The following NNT variants were observed in gnomAD, a reference collection of about 807,000 sequenced individuals.
NNT encodes the protein NAD(P) transhydrogenase, mitochondrial.
NNT carries 50 observed loss-of-function variants against 104.8 expected under a neutral mutation model. The ratio of observed to expected loss-of-function variants is 0.48; its 90% CI spans 0.38 to 0.60. The LOEUF (loss-of-function observed/expected upper bound fraction) is 0.60, where lower values mean the gene tolerates loss of function less well. Among genes scored for constraint, NNT ranks in the 20% least tolerant of loss-of-function variants. The pLI is 0.00. For synonymous variants in NNT, 461 were observed against 490.4 expected (o/e 0.94, Z 0.79); for missense variants, 1,131 against 1,330.7 (o/e 0.85, Z 2.33).
intron 4 of NNT, among the ~76,000 whole-genome samples, chr5:43,618,129 T>A (rs561264978): frequency 6.6e-6 from 1 of 152,202 alleles, no homozygotes; most frequent in Non-Finnish European, 1.5e-5. Context: ...GAAAAGATGA[T>A]GCATATTATT....
intron 7 of NNT, 83 bp downstream of exon 7, chr5:43,628,470 C>A: frequency 9.4e-7 from 1 of 1,067,852 alleles, no homozygotes; most frequent in Non-Finnish European, 1.3e-6. Flanking sequence ...GATTGCTTAA[C>A]ATTTGAATTT....
At chr5:43,677,899 TA>T in intron 19 of NNT, 93 bp downstream of exon 19, 1 of 1,004,966 alleles carries the variant, frequency 1.0e-6, no homozygotes, top group South Asian at 1.3e-5. Context: ...ATGTAGGGGT[TA>T]GGGCACTGAC....
In NNT at chr5:43,707,116, T is replaced by C. The variant is rs1272534080; in HGVS notation, c.*2712T>C. 1.3e-5 allele frequency: 2 copies of C among 148,464 alleles called. No individual in the cohort carries two copies. The highest frequency in any genetic ancestry group is 3.0e-5 in the Non-Finnish European group (2 of 67,502). The allele number at this position is 148,464 out of a possible 1,614,324, so 9.2% of individuals were successfully genotyped here. On this transcript the variant is annotated 3_prime_UTR_variant, in exon 22 of 22. Transcript: ENST00000344920. Reference sequence around the variant, plus strand: ...CACATGTACCCTAGAACTTAAAGTATAATTAAAAAAAAAAAGAAAACAGAA... The same window carrying C: ...CACATGTACCCTAGAACTTAAAGTACAATTAAAAAAAAAAAGAAAACAGAA...
In NNT at chr5:43,670,701, C is replaced by T. The variant is rs968498019; in HGVS notation, c.2635-4810C>T. Among the ~76,000 whole-genome samples the T allele has an allele frequency of 5.4e-4, 82 of 152,100 alleles. 1 individual carries two copies. The highest frequency in any genetic ancestry group is 5.8e-4 in the East Asian group (3 of 5,178). On this transcript the variant is annotated intron_variant, in intron 17 of 21. Transcript: ENST00000344920. ...TTTGCTGAGGAGTGCTTTACTTGCA[C>T]GTATGTGGTCAATTTTGGAATAAGT...
chr5:43,699,817 A>G (rs1305974012), intron 19 of NNT, among the ~76,000 whole-genome samples: 1 of 152,214 alleles, frequency 6.6e-6, no homozygotes, highest in African/African-American at 2.4e-5. Flanking sequence ...TGATTTTTAA[A>G]TGTAAGGTGA....
chr5:43,606,104 G>A (rs1031479993), intron 1 of NNT, among the ~76,000 whole-genome samples: 1 of 152,118 alleles, frequency 6.6e-6, no homozygotes, highest in Non-Finnish European at 1.5e-5. Flanking sequence ...GGTTCAGGTC[G>A]AACAGTAAGT....
intron 19 of NNT, among the ~76,000 whole-genome samples, chr5:43,691,873 T>C (rs938318195): frequency 1.3e-5 from 2 of 152,222 alleles, no homozygotes; most frequent in African/African-American, 4.8e-5. Context: ...TTTCTTTGGT[T>C]CATAAAATAG....
intron 7 of NNT, among the ~76,000 whole-genome samples, chr5:43,632,647 A>G (rs1380919601): frequency 6.6e-6 from 1 of 152,180 alleles, no homozygotes; most frequent in Non-Finnish European, 1.5e-5. Flanking sequence ...GGCCAAGCTG[A>G]CAGCCCCGCT....
At chr5:43,691,204 A>T in intron 19 of NNT, among the ~76,000 whole-genome samples, 1 of 152,028 alleles carries the variant, frequency 6.6e-6, no homozygotes, top group East Asian at 1.9e-4. Flanking sequence ...GGTTCAAGCG[A>T]TTCTCCCAAC....
intron 19 of NNT, among the ~76,000 whole-genome samples, chr5:43,689,947 C>A (rs1742177295): frequency 6.6e-6 from 1 of 151,736 alleles, no homozygotes. Context: ...TTTGAATTAA[C>A]CCAATCCGTC....
At position 43,670,678 on chromosome 5, in the gene NNT, T is replaced by G. The variant is rs192100381; in HGVS notation, c.2635-4833T>G. On this transcript the variant is annotated intron_variant, in intron 17 of 21. Transcript: ENST00000344920. ...GTTATAATTTCTGTTCTTTTACATT[T>G]GCTGAGGAGTGCTTTACTTGCACGT... 2.2e-3 allele frequency among the ~76,000 whole-genome samples: 337 copies of G among 152,342 alleles called. 1 individual carries two copies. The highest frequency in any genetic ancestry group is 7.5e-3 in the African/African-American group (311 of 41,572).
At chr5:43,655,447 T>A (rs1411690657) in intron 14 of NNT, among the ~76,000 whole-genome samples, 1 of 152,226 alleles carries the variant, frequency 6.6e-6, no homozygotes, top group Non-Finnish European at 1.5e-5. Context: ...CATAAATACT[T>A]AACACAAACT....
At position 43,616,065 on chromosome 5, in the gene NNT, G is replaced by C. The variant is rs1287744861; in HGVS notation, c.599G>C (p.Gly200Ala). Residue 200 changes from glycine (G) to alanine (A), a missense_variant and splice_region_variant, in exon 4 of 22, where the codon GGT (glycine) becomes GCT (alanine). By Grantham distance (60) the Gly-to-Ala change is moderately conservative. Coordinates refer to ENST00000344920, the MANE Select transcript of NNT (RefSeq NM_182977.3). ...CTAAGCTCCATGGCCAACATTGCGG[G>C]GTAGGTTCTTTTCCATTTCAATTGA... is the stretch of plus-strand genomic sequence containing the variant. ...DALSSMANIA[G>A]YKAVVLAANH... The C allele has an allele frequency of 6.2e-7, 1 of 1,611,382 alleles. No individual in the cohort carries two copies. Among genetic ancestry groups the C allele is most frequent in the South Asian group, 1.1e-5 (1 of 90,704 alleles).
chr5:43,653,781 C>A (rs896678045), intron 14 of NNT, among the ~76,000 whole-genome samples: 2 of 151,436 alleles, frequency 1.3e-5, no homozygotes, highest in African/African-American at 4.9e-5. Context: ...ATGGTGAAAC[C>A]CCGTCGCTAT....
chr5:43,626,241 CTA>C (rs1750354467), intron 6 of NNT, among the ~76,000 whole-genome samples: 1 of 152,132 alleles, frequency 6.6e-6, no homozygotes, highest in Non-Finnish European at 1.5e-5. Context: ...GGTATAACAA[CTA>C]TTTACATAAC....
At chr5:43,698,804 G>T (rs1345918345) in intron 19 of NNT, among the ~76,000 whole-genome samples, 2 of 150,896 alleles carry the variant, frequency 1.3e-5, no homozygotes, top group East Asian at 3.9e-4. Context: ...ATTACTATAT[G>T]AATATATATG....
In NNT at chr5:43,628,201, G is replaced by T; in HGVS notation, c.778G>T (p.Ala260Ser). ...TTTCCACTTTAACAATCACCCTAGA[G>T]CTGCAGCTTTGGAACAGTTCAAGTC... ...GAIVRGFDTR[A>S]AALEQFKSLG... The change falls in exon 7 of 22, where the codon GCT becomes TCT. Residue 260 changes from alanine to serine, a missense_variant and splice_region_variant. By Grantham distance (99) the Ala-to-Ser change is moderately conservative. Coordinates refer to ENST00000344920, the MANE Select transcript of NNT (RefSeq NM_182977.3). The T allele has an allele frequency of 6.2e-7, 1 of 1,606,144 alleles. No homozygotes were observed. Among genetic ancestry groups the T allele is most frequent in the Non-Finnish European group, 8.5e-7 (1 of 1,176,818 alleles).
Position 43,653,459 on chromosome 5 carries a change from C to T in NNT, c.2059+246C>T, listed in dbSNP as rs759100318. ...TTATCTTCCTTTACTGACTGTGTCC[C>T]GTTAGCTGATAATGGAATGGGGGAT... On this transcript the variant is annotated intron_variant, in intron 14 of 21. Transcript: ENST00000344920. 141 of 391,170 alleles carry T rather than the reference C, an allele frequency of 3.6e-4. 2 individuals are homozygous for T. The highest frequency in any genetic ancestry group is 2.9e-3 in the Middle Eastern group (4 of 1,384). The allele number at this position is 391,170 out of a possible 1,614,324, so 24.2% of individuals were successfully genotyped here. A position where few individuals can be genotyped will look rare whatever the true frequency, so the allele number is the denominator to read the frequency against.
intron 16 of NNT, among the ~76,000 whole-genome samples, chr5:43,658,151 A>G (rs1740156311): frequency 6.6e-6 from 1 of 152,200 alleles, no homozygotes. Context: ...AAAGAAAGAA[A>G]AAAAGATATA....
Sources: allele counts gnomAD v4.1 joint callset (sites outside exome capture counted in the v4.1 genomes callset), GRCh38; gene constraint gnomAD v4.1.1; transcripts MANE v1.5; gene names NCBI Gene and HGNC (gene_info 2026-07-23, HGNC 2026-07-21).